Variants in RALGAPA2 observed in about 807,000 individuals in gnomAD.
The protein encoded by RALGAPA2 is Ral GTPase activating protein catalytic subunit alpha 2.
RALGAPA2 carries 139 observed loss-of-function variants against 230.4 expected under a neutral mutation model. The observed-to-expected ratio is 0.60, with a 90% CI of 0.53 to 0.69. RALGAPA2 has a LOEUF of 0.69. Among genes scored for constraint, RALGAPA2 ranks in the 30% least tolerant of loss-of-function variants. The pLI is 0.00. For synonymous variants in RALGAPA2, 847 were observed against 837.8 expected (o/e 1.01, Z -0.19); for missense variants, 2,163 against 2,276.0 (o/e 0.95, Z 1.01).
intron 5 of RALGAPA2, among the ~76,000 whole-genome samples, chr20:20,642,639 T>C (rs931532663): frequency 6.6e-6 from 1 of 152,218 alleles, no homozygotes; most frequent in Non-Finnish European, 1.5e-5. Context: ...ATAAGGGTAG[T>C]TATAAACATG....
intron 36 of RALGAPA2, among the ~76,000 whole-genome samples, chr20:20,492,855 A>C (rs938492340): frequency 6.6e-6 from 1 of 152,238 alleles, no homozygotes; most frequent in Non-Finnish European, 1.5e-5. Flanking sequence ...TTAATTAATC[A>C]AGACAAAAAA....
chr20:20,557,202 C>G (rs1176501422), intron 23 of RALGAPA2, among the ~76,000 whole-genome samples: 1 of 151,988 alleles, frequency 6.6e-6, no homozygotes, highest in Non-Finnish European at 1.5e-5. Flanking sequence ...CCCAGCTACT[C>G]AGTAGGCTGA....
chr20:20,596,648 G>A (rs2065463894), intron 16 of RALGAPA2, among the ~76,000 whole-genome samples: 1 of 152,186 alleles, frequency 6.6e-6, no homozygotes, highest in Admixed American at 6.5e-5. Context: ...TAGTTGGAAT[G>A]TCAGGTTGTT....
chr20:20,482,884 T>G (rs1206320265), intron 36 of RALGAPA2, among the ~76,000 whole-genome samples: 3 of 152,166 alleles, frequency 2.0e-5, no homozygotes, highest in African/African-American at 7.2e-5. Flanking sequence ...TGGGACTTGA[T>G]GAAATGCCCT....
intron 35 of RALGAPA2, among the ~76,000 whole-genome samples, chr20:20,496,660 A>G (rs2062214481): frequency 2.0e-5 from 3 of 152,206 alleles, no homozygotes; most frequent in Admixed American, 1.3e-4. Flanking sequence ...GTCTTAAAGT[A>G]TTTTTTAAAA....
chr20:20,594,010 C>T (rs981560156), intron 16 of RALGAPA2, among the ~76,000 whole-genome samples: 1 of 152,074 alleles, frequency 6.6e-6, no homozygotes, highest in Non-Finnish European at 1.5e-5. Flanking sequence ...TCAGGAATAG[C>T]GGTCAGTAGC....
At chr20:20,431,088 C>A (rs556294944) in intron 37 of RALGAPA2, among the ~76,000 whole-genome samples, 319 of 152,110 alleles carry the variant, frequency 2.1e-3, no homozygotes, top group African/African-American at 6.9e-3. Context: ...TGGAGCGAGT[C>A]CCCCTGAAGC....
intron 16 of RALGAPA2, among the ~76,000 whole-genome samples, chr20:20,600,993 A>T (rs2065626572): frequency 6.6e-6 from 1 of 152,118 alleles, no homozygotes; most frequent in South Asian, 2.1e-4. Context: ...TCAGCTACTC[A>T]GGAGGCTGAG....
At chr20:20,702,337 T>C (rs2069414780) in intron 1 of RALGAPA2, among the ~76,000 whole-genome samples, 1 of 151,966 alleles carries the variant, frequency 6.6e-6, no homozygotes, top group Non-Finnish European at 1.5e-5. Flanking sequence ...TTTATTGGGG[T>C]AAATGCCCAT....
rs557876344 is a variant in RALGAPA2, at chr20:20,640,801, C to T, written c.450G>A (p.Leu150=). The change falls in exon 6 of 40, where the codon CTG becomes CTA. Residue 150 remains leucine (L), a synonymous_variant. Transcript: ENST00000202677. Reference sequence around the variant, plus strand: ...AACCAGGCACCAGGCAAGCAAAAATCAGAACCTGCTCTTCTGCACAGTTTG... The same window carrying T: ...AACCAGGCACCAGGCAAGCAAAAATTAGAACCTGCTCTTCTGCACAGTTTG... ...LQTNCAEEQV[L]IFACLVPGFP... 1.9e-6 allele frequency: 3 copies of T among 1,613,848 alleles called. No homozygotes were observed. The highest frequency in any genetic ancestry group is 1.3e-5 in the African/African-American group (1 of 75,044).
At chr20:20,412,542 G>A (rs2060083103) in intron 37 of RALGAPA2, among the ~76,000 whole-genome samples, 1 of 152,168 alleles carries the variant, frequency 6.6e-6, no homozygotes, top group Non-Finnish European at 1.5e-5. Flanking sequence ...ACTGACATAT[G>A]AGTTGATACT....
intron 24 of RALGAPA2, among the ~76,000 whole-genome samples, chr20:20,538,504 C>T (rs189810782): frequency 9.8e-5 from 15 of 152,292 alleles, no homozygotes; most frequent in Middle Eastern, 3.4e-3. Context: ...GGGAAAAAGA[C>T]GTTGCAGAGA....
At chr20:20,634,735 C>A (rs2066799492) in intron 9 of RALGAPA2, among the ~76,000 whole-genome samples, 1 of 152,178 alleles carries the variant, frequency 6.6e-6, no homozygotes, top group Non-Finnish European at 1.5e-5. Context: ...CACCATGATC[C>A]CTTAGCGAAG....
intron 16 of RALGAPA2, among the ~76,000 whole-genome samples, chr20:20,594,238 T>C (rs1023192426): frequency 6.6e-6 from 1 of 152,248 alleles, no homozygotes; most frequent in African/African-American, 2.4e-5. Context: ...ATATTTTATA[T>C]TAAATACATG....
At chr20:20,431,609 G>A (rs1166138502) in intron 37 of RALGAPA2, among the ~76,000 whole-genome samples, 6 of 152,080 alleles carry the variant, frequency 3.9e-5, no homozygotes, top group Admixed American at 3.9e-4. Context: ...GAGATGGGAG[G>A]ATGGCCATAT....
chr20:20,578,318 TCAGA>T (rs2064883556), intron 20 of RALGAPA2, among the ~76,000 whole-genome samples: 1 of 152,170 alleles, frequency 6.6e-6, no homozygotes, highest in Non-Finnish European at 1.5e-5. Context: ...TTAAGAGACT[TCAGA>T]CAATTTCACG....
chr20:20,569,152 T>C (rs1271770015), intron 23 of RALGAPA2, among the ~76,000 whole-genome samples: 1 of 152,232 alleles, frequency 6.6e-6, no homozygotes, highest in African/African-American at 2.4e-5. Flanking sequence ...TATGATCTAT[T>C]TAGACGTGTG....
At chr20:20,652,506 T>C (rs1350033071) in intron 4 of RALGAPA2, among the ~76,000 whole-genome samples, 1 of 152,250 alleles carries the variant, frequency 6.6e-6, no homozygotes, top group African/African-American at 2.4e-5. Context: ...TATTCTTAGT[T>C]TCTGTCCCAG....
chr20:20,505,493 C>A lies in RALGAPA2; in HGVS notation c.4970G>T (p.Gly1657Val), dbSNP rs1265993885. 3 of 1,605,464 alleles carry A rather than the reference C, an allele frequency of 1.9e-6. No individual in the cohort carries two copies. The highest frequency in any genetic ancestry group is 3.4e-5 in the Admixed American group (2 of 59,106). Residue 1657 changes from glycine to valine, a missense_variant, in exon 34 of 40, where the codon GGT becomes GTT. Gly to Val is a moderately radical substitution (Grantham distance 109). Transcript: ENST00000202677. ...GAGGATTGAACACTTGTCTTCTTGA[C>A]CTTCAGCAATGTAAAACACTGCGAT... ...HKIAVFYIAE[G>V]QEDKCSILSN...
Sources: gnomAD v4.1 joint callset for allele counts (sites outside exome capture counted in the v4.1 genomes callset) on GRCh38, gnomAD v4.1.1 for gene constraint, MANE v1.5 for transcripts, NCBI Gene and HGNC (gene_info 2026-07-23, HGNC 2026-07-21) for gene names.